ASIC2: variants seen among roughly 807,000 people sequenced by gnomAD.
ASIC2 encodes the protein acid-sensing ion channel 2.
In ASIC2, 25 loss-of-function variants were observed where a neutral mutation model predicts 57.3. That is an observed-to-expected ratio of 0.44 (90% CI 0.32 to 0.61). The LOEUF (loss-of-function observed/expected upper bound fraction) is 0.61. ASIC2 is among the 20% of genes least tolerant of loss of function. ASIC2 has a pLI of 0.06. For missense variants in ASIC2, 641 were observed against 738.1 expected (o/e 0.87, Z 1.52); for synonymous variants, 319 against 307.5 (o/e 1.04, Z -0.39).
chr17:33,364,958 G>T (rs1017511557), intron 1 of ASIC2, among the ~76,000 whole-genome samples: 2 of 152,074 alleles, frequency 1.3e-5, no homozygotes, highest in Non-Finnish European at 2.9e-5. Flanking sequence ...CCCACATCTG[G>T]CCAGGCCATC....
intron 1 of ASIC2, among the ~76,000 whole-genome samples, chr17:33,311,592 A>T (rs1292274249): frequency 2.6e-5 from 4 of 152,118 alleles, no homozygotes; most frequent in Admixed American, 2.6e-4. Flanking sequence ...CTAGGAGCTG[A>T]GACTCTAGGA....
chr17:33,162,791 G>A (rs963533558), intron 1 of ASIC2, among the ~76,000 whole-genome samples: 5 of 152,176 alleles, frequency 3.3e-5, no homozygotes, highest in African/African-American at 1.2e-4. Flanking sequence ...GGGGGCCGTG[G>A]CTCCTGTTTC....
intron 3 of ASIC2, among the ~76,000 whole-genome samples, chr17:33,032,688 A>G (rs891932407): frequency 4.6e-5 from 7 of 152,104 alleles, no homozygotes; most frequent in Non-Finnish European, 1.5e-5. Flanking sequence ...ACCTCAAATG[A>G]CCTACCTGCC....
intron 1 of ASIC2, among the ~76,000 whole-genome samples, chr17:33,114,564 T>C (rs945760705): frequency 6.6e-6 from 1 of 152,256 alleles, no homozygotes; most frequent in Non-Finnish European, 1.5e-5. Context: ...CTTCACCTTT[T>C]AGTCCCTGAA....
chr17:33,846,822 T>C (rs1209604428), intron 1 of ASIC2, among the ~76,000 whole-genome samples: 1 of 151,994 alleles, frequency 6.6e-6, no homozygotes, highest in African/African-American at 2.4e-5. Flanking sequence ...CCTCCCGGGT[T>C]CACGCCTTTC....
At chr17:34,115,333 A>G (rs1205585255) in intron 1 of ASIC2, among the ~76,000 whole-genome samples, 2 of 152,326 alleles carry the variant, frequency 1.3e-5, no homozygotes, top group African/African-American at 4.8e-5. Flanking sequence ...GCAGTGCACT[A>G]GAACTCATGT....
At chr17:33,443,074 A>T (rs181774984) in intron 1 of ASIC2, among the ~76,000 whole-genome samples, 10 of 152,338 alleles carry the variant, frequency 6.6e-5, no homozygotes, top group Non-Finnish European at 1.2e-4. Flanking sequence ...GGTGTATTAC[A>T]TGAATTAACC....
intron 1 of ASIC2, chr17:33,834,456 T>C (rs908583064): frequency 1.3e-5 from 2 of 152,194 alleles, no homozygotes; most frequent in Non-Finnish European, 2.9e-5. Flanking sequence ...GTTTCTGTAA[T>C]AGATAGTTTT....
At chr17:33,579,423 A>G (rs533976822) in intron 1 of ASIC2, among the ~76,000 whole-genome samples, 1 of 152,102 alleles carries the variant, frequency 6.6e-6, no homozygotes, top group Non-Finnish European at 1.5e-5. Context: ...GAAAACAAGG[A>G]GATATAGACT....
At chr17:33,440,161 C>T (rs1158117936) in intron 1 of ASIC2, among the ~76,000 whole-genome samples, 1 of 152,198 alleles carries the variant, frequency 6.6e-6, no homozygotes, top group Non-Finnish European at 1.5e-5. Context: ...CACATTTCCA[C>T]CCCCAGCCTT....
chr17:33,779,701 G>A (rs1323751704), intron 1 of ASIC2, among the ~76,000 whole-genome samples: 1 of 152,060 alleles, frequency 6.6e-6, no homozygotes, highest in African/African-American at 2.4e-5. Context: ...CCCGCAAAGG[G>A]GTTTTAGTGG....
chr17:33,576,684 C>A (rs1458984686), intron 1 of ASIC2, among the ~76,000 whole-genome samples: 1 of 152,146 alleles, frequency 6.6e-6, no homozygotes, highest in Non-Finnish European at 1.5e-5. Context: ...ATCCAGTGCT[C>A]TTGGTACAGG....
intron 1 of ASIC2, among the ~76,000 whole-genome samples, chr17:33,274,541 C>T (rs1394448103): frequency 6.6e-6 from 1 of 152,142 alleles, no homozygotes; most frequent in African/African-American, 2.4e-5. Flanking sequence ...ACCTCAAGGT[C>T]ACTGACTTGT....
chr17:33,417,410 A>T (rs762838846), intron 1 of ASIC2, among the ~76,000 whole-genome samples: 87 of 152,298 alleles, frequency 5.7e-4, no homozygotes, highest in Admixed American at 2.1e-3. Context: ...ATAGGATTGA[A>T]ATCTGTCTGT....
At chr17:33,327,933 A>G (rs1186891981) in intron 1 of ASIC2, among the ~76,000 whole-genome samples, 1 of 152,230 alleles carries the variant, frequency 6.6e-6, no homozygotes, top group African/African-American at 2.4e-5. Context: ...CCACATGACA[A>G]TAGAGGCAGA....
chr17:33,035,709 T>C (rs531282084), intron 3 of ASIC2, among the ~76,000 whole-genome samples: 80 of 152,328 alleles, frequency 5.3e-4, no homozygotes, highest in African/African-American at 1.7e-3. Flanking sequence ...TATCTCCCCA[T>C]GCAATGGCAG....
chr17:33,096,224 A>G (rs1239632898), intron 2 of ASIC2, among the ~76,000 whole-genome samples: 1 of 152,240 alleles, frequency 6.6e-6, no homozygotes, highest in South Asian at 2.1e-4. Context: ...TCATAGAAGC[A>G]GAAAGGAACA....
chr17:33,756,994 C>G (rs1157767191), intron 1 of ASIC2, among the ~76,000 whole-genome samples: 2 of 152,220 alleles, frequency 1.3e-5, no homozygotes, highest in East Asian at 1.9e-4. Context: ...CCTCTTCCAG[C>G]TTTGGTGGCT....
intron 1 of ASIC2, among the ~76,000 whole-genome samples, chr17:33,274,945 T>A (rs1268824755): frequency 6.6e-6 from 1 of 152,128 alleles, no homozygotes; most frequent in East Asian, 1.9e-4. Flanking sequence ...ATGATCCTGG[T>A]GCCCCCTAGT....
Sources: gnomAD v4.1 joint callset for allele counts (sites outside exome capture counted in the v4.1 genomes callset) on GRCh38, gnomAD v4.1.1 for gene constraint, MANE v1.5 for transcripts, NCBI Gene and HGNC (gene_info 2026-07-23, HGNC 2026-07-21) for gene names.